The following SMARCA2 variants were observed in gnomAD, a reference collection of about 807,000 sequenced individuals.
SMARCA2 encodes the protein SWI/SNF-related matrix-associated actin-dependent regulator of chromatin subfamily A member 2.
SMARCA2 carries 61 observed loss-of-function variants against 199.8 expected under a neutral mutation model. The ratio of observed to expected loss-of-function variants is 0.31; its 90% CI spans 0.25 to 0.38. The LOEUF (loss-of-function observed/expected upper bound fraction) is 0.38. Among genes scored for constraint, SMARCA2 ranks in the 10% least tolerant of loss-of-function variants. SMARCA2 has a pLI of 1.00. For missense variants in SMARCA2, 1,344 were observed against 2,012.2 expected (o/e 0.67, Z 6.35); for synonymous variants, 935 against 732.0 (o/e 1.28, Z -4.48).
At chr9:2,094,403 T>C (rs1822184661) in intron 19 of SMARCA2, among the ~76,000 whole-genome samples, 3 of 152,268 alleles carry the variant, frequency 2.0e-5, no homozygotes, top group African/African-American at 7.2e-5. Flanking sequence ...CTCCTTCACC[T>C]CCAGCCCTTA....
chr9:2,075,505 T>C (rs1821283083), intron 12 of SMARCA2: 1 of 152,228 alleles, frequency 6.6e-6, no homozygotes, highest in African/African-American at 2.4e-5. Context: ...GCCAAGTTAT[T>C]GAGAGTTTTT....
At chr9:2,191,642 A>G (rs1827893208) in intron 33 of SMARCA2, 1 of 379,352 alleles carries the variant, frequency 2.6e-6, no homozygotes, top group Middle Eastern at 7.3e-4. Flanking sequence ...AAACTACCAA[A>G]TCAAGCTTCC....
In SMARCA2 at chr9:2,054,630, A is replaced by G. The variant is rs138782877; in HGVS notation, c.1080A>G (p.Glu360=). The change falls in exon 6 of 34, where the codon GAA becomes GAG. Residue 360 remains glutamate, a synonymous_variant. Coordinates refer to ENST00000349721, the MANE Select transcript of SMARCA2 (RefSeq NM_003070.5). ...CCCGCATAGCTCATAGGATACAAGA[A>G]CTGGAAAATCTGCCTGGCTCTTTGC... ...LQARIAHRIQ[E]LENLPGSLPP... is the part of the protein sequence containing the mutation. The G allele has an allele frequency of 1.9e-4, 311 of 1,614,146 alleles. No individual in the cohort carries two copies. In the Admixed American group the frequency reaches 4.6e-3, roughly 24 times the overall value.
At chr9:2,064,841 A>G in intron 9 of SMARCA2, among the ~76,000 whole-genome samples, 1 of 152,196 alleles carries the variant, frequency 6.6e-6, no homozygotes. Context: ...ATTTTTCCTT[A>G]AGCTGTGGTT....
chr9:2,177,038 G>C (rs978685255), intron 29 of SMARCA2, among the ~76,000 whole-genome samples: 2 of 152,206 alleles, frequency 1.3e-5, no homozygotes, highest in African/African-American at 4.8e-5. Flanking sequence ...ATGGAGTGCA[G>C]ATGCTTGTAA....
chr9:2,028,341 T>C (rs928173960), intron 1 of SMARCA2, among the ~76,000 whole-genome samples: 6 of 148,226 alleles, frequency 4.0e-5, no homozygotes, highest in African/African-American at 1.5e-4. Flanking sequence ...CAGCTGTGTT[T>C]TTCACACATG....
At position 2,017,477 on chromosome 9, in the gene SMARCA2, C is replaced by G. The variant is rs1198484761; in HGVS notation, c.-37+2073C>G. On this transcript the variant is annotated intron_variant, in intron 1 of 33. Transcript: ENST00000349721. The surrounding 1 kb of genome is among the most constrained non-coding windows in gnomAD (Gnocchi z 8.8). The stretch of plus-strand genomic sequence containing the variant: ...CAGCTGCTCCTGCCCGCACCCTCCC[C>G]TGGAGCCCGGGGAGGACAAGGCGAG... 6.6e-6 allele frequency: 1 copy of G among 152,634 alleles called. No individual in the cohort carries two copies. Among genetic ancestry groups the G allele is most frequent in the Non-Finnish European group, 1.5e-5 (1 of 68,506 alleles). The allele number at this position is 152,634 out of a possible 1,614,324, so 9.5% of individuals were successfully genotyped here.
chr9:2,045,920 C>T (rs1819822498), intron 4 of SMARCA2: 1 of 151,950 alleles, frequency 6.6e-6, no homozygotes, highest in South Asian at 2.1e-4. Context: ...TTCACATCCC[C>T]CTGTCAAAAT....
In SMARCA2 at chr9:2,177,558, C is replaced by CT. The variant is rs34359993; in HGVS notation, c.4254-4002dup. On this transcript the variant is annotated intron_variant, in intron 29 of 33. Transcript: ENST00000349721. ...TAACCAGTATTCTAGAAGTAGATTT[C>CT]TTTTTTTTTTTGAAACTGAGTTTCG... Among the ~76,000 whole-genome samples, 1,456 of 147,048 alleles carry CT rather than the reference C, an allele frequency of 9.9e-3. 6 individuals carry two copies. Among genetic ancestry groups the CT allele is most frequent in the East Asian group, 0.014 (72 of 5,062 alleles).
intron 29 of SMARCA2, among the ~76,000 whole-genome samples, chr9:2,171,113 C>G (rs989546130): frequency 1.3e-5 from 2 of 152,100 alleles, no homozygotes; most frequent in Non-Finnish European, 2.9e-5. Context: ...ATGCTTTTCT[C>G]CTAGAGATAG....
At chr9:2,031,490 C>G (rs972857912) in intron 2 of SMARCA2, among the ~76,000 whole-genome samples, 2 of 152,170 alleles carry the variant, frequency 1.3e-5, no homozygotes, top group East Asian at 3.8e-4. Context: ...AAATACTTAG[C>G]TAAACTTTAT....
At chr9:2,038,296 A>G (rs574550392) in intron 3 of SMARCA2, among the ~76,000 whole-genome samples, 1 of 152,270 alleles carries the variant, frequency 6.6e-6, no homozygotes, top group South Asian at 2.1e-4. Context: ...AACAGTATAT[A>G]TCTTTTAGGT....
chr9:2,148,484 TTTA>T (rs1383262121), intron 27 of SMARCA2, among the ~76,000 whole-genome samples: 38 of 151,358 alleles, frequency 2.5e-4, no homozygotes, highest in African/African-American at 8.0e-4. Context: ...TTTTCTTTTT[TTTA>T]TTATTATTTT....
At chr9:2,114,006 G>C (rs1212212995) in intron 24 of SMARCA2, among the ~76,000 whole-genome samples, 1 of 152,026 alleles carries the variant, frequency 6.6e-6, no homozygotes, top group East Asian at 1.9e-4. Flanking sequence ...GGGCCAGACA[G>C]CATAGAACGT....
chr9:2,085,251 A>G lies in SMARCA2; in HGVS notation c.2526+1055A>G, dbSNP rs78886005. On this transcript the variant is annotated intron_variant, in intron 17 of 33. Transcript: ENST00000349721. ...AAAATGATGTGTTTTCAATATTACT[A>G]TGGGAATGTGTTTGTACATTTGAGA... Among the ~76,000 whole-genome samples the G allele has an allele frequency of 3.3e-5, 5 of 152,324 alleles. No homozygotes were observed. The East Asian group carries it at 9.6e-4, about 29-fold the overall frequency.
intron 30 of SMARCA2, 40 bp from the exon 31 acceptor site, chr9:2,182,101 T>C: frequency 7.9e-7 from 1 of 1,267,678 alleles, no homozygotes; most frequent in East Asian, 2.3e-5. Flanking sequence ...AATTTTCCTC[T>C]CCCTCTTTTT....
intron 28 of SMARCA2, 125 bp downstream of exon 28, chr9:2,162,028 A>G (rs912547943): frequency 4.2e-5 from 29 of 688,694 alleles, no homozygotes; most frequent in Non-Finnish European, 6.9e-5. Flanking sequence ...TTTGTGTTTT[A>G]TGGCTTTCTC....
At chr9:2,090,875 G>A (rs941683375) in intron 19 of SMARCA2, among the ~76,000 whole-genome samples, 1 of 151,466 alleles carries the variant, frequency 6.6e-6, no homozygotes, top group East Asian at 1.9e-4. Context: ...TTTTAGCCTG[G>A]GGAAAGTTGG....
intron 27 of SMARCA2, chr9:2,159,999 T>C: frequency 6.6e-7 from 1 of 1,522,970 alleles, no homozygotes; most frequent in Non-Finnish European, 8.9e-7. Context: ...AAGCCGGTGT[T>C]CTCCGTATTT....
Sources: gnomAD v4.1 joint callset for allele counts (sites outside exome capture counted in the v4.1 genomes callset) on GRCh38, gnomAD v4.1.1 for gene constraint, Gnocchi (gnomAD v3.1) non-coding constraint, MANE v1.5 for transcripts, NCBI Gene and HGNC (gene_info 2026-07-23, HGNC 2026-07-21) for gene names.